Variants in CNTFR observed in about 807,000 individuals in gnomAD.
CNTFR encodes ciliary neurotrophic factor receptor.
CNTFR carries 12 observed loss-of-function variants against 40.4 expected under a neutral mutation model. The observed-to-expected ratio is 0.30, with a 90% CI of 0.19 to 0.48. CNTFR has a LOEUF of 0.48. Ranked by LOEUF, CNTFR falls within the 20% of genes least tolerant of loss-of-function variation. The probability of loss-of-function intolerance (pLI) is 0.99; values close to 1 mark genes in which losing one functional copy is unlikely to be tolerated. For synonymous variants in CNTFR, 202 were observed against 209.6 expected, an observed-to-expected ratio of 0.96 and a Z score of 0.31; for missense variants, 414 against 506.8, an observed-to-expected ratio of 0.82 and a Z score of 1.76.
intron 7 of CNTFR, among the ~76,000 whole-genome samples, chr9:34,555,129 G>A (rs928549281): frequency 1.3e-5 from 2 of 152,262 alleles, no homozygotes; most frequent in Non-Finnish European, 2.9e-5. Context: ...GCTGCTGCCT[G>A]TAGCTCGTTA....
At chr9:34,576,451 C>T (rs1014629688) in intron 2 of CNTFR, among the ~76,000 whole-genome samples, 7 of 152,216 alleles carry the variant, frequency 4.6e-5, no homozygotes, top group African/African-American at 1.7e-4. Context: ...ATGGGAAACA[C>T]CCACATACAC....
At chr9:34,588,565 T>A (rs1827635056) in intron 1 of CNTFR, among the ~76,000 whole-genome samples, 1 of 152,184 alleles carries the variant, frequency 6.6e-6, no homozygotes, top group Non-Finnish European at 1.5e-5. Flanking sequence ...ACACCCAATG[T>A]TGCAGACAAG....
intron 2 of CNTFR, among the ~76,000 whole-genome samples, chr9:34,575,080 A>T (rs549644147): frequency 2.0e-5 from 3 of 152,202 alleles, no homozygotes; most frequent in Non-Finnish European, 1.5e-5. Flanking sequence ...TTCACCCTCA[A>T]AAGTCATCTG....
intron 7 of CNTFR, among the ~76,000 whole-genome samples, chr9:34,555,878 G>C (rs1825810554): frequency 6.7e-6 from 1 of 149,272 alleles, no homozygotes; most frequent in Non-Finnish European, 1.5e-5. Context: ...AGCCTTGCCT[G>C]TCCTGCCCGC....
At chr9:34,570,439 C>T (rs148618395) in intron 2 of CNTFR, among the ~76,000 whole-genome samples, 2 of 152,182 alleles carry the variant, frequency 1.3e-5, no homozygotes, top group Admixed American at 6.5e-5. Context: ...GTGAAGCCGT[C>T]GGCGACAAAG....
In CNTFR at chr9:34,557,102, G is replaced by C. The variant is rs556692320; in HGVS notation, c.604+424C>G. ...CAGGTAGAGGGTCTGGCTGGGATGG[G>C]GGGGGTCAGGGGGAGGGCAGTATCT... On this transcript the variant is annotated intron_variant, in intron 6 of 9. Coordinates refer to ENST00000378980, the MANE Select transcript of CNTFR (RefSeq NM_147164.3). This position sits in a 1 kb window ranked among gnomAD's most constrained non-coding sequence, Gnocchi z 4.2. 6.6e-6 allele frequency among the ~76,000 whole-genome samples: 1 copy of C among 151,658 alleles called. No homozygotes were observed. Among genetic ancestry groups the C allele is most frequent in the African/African-American group, 2.4e-5 (1 of 41,244 alleles).
intron 1 of CNTFR, among the ~76,000 whole-genome samples, chr9:34,586,302 G>T (rs977175714): frequency 2.6e-5 from 4 of 152,184 alleles, no homozygotes; most frequent in Non-Finnish European, 4.4e-5. Flanking sequence ...CAGAGACACT[G>T]TGAGACACGC....
At position 34,557,770 on chromosome 9, in the gene CNTFR, C is replaced by A; in HGVS notation, c.438-78G>T. 1 of 1,587,534 alleles carries A rather than the reference C, an allele frequency of 6.3e-7. No individual in the cohort carries two copies. Among genetic ancestry groups the A allele is most frequent in the Non-Finnish European group, 8.6e-7 (1 of 1,159,026 alleles). On this transcript the variant is annotated intron_variant, in intron 5 of 9. Coordinates refer to ENST00000378980, the MANE Select transcript of CNTFR (RefSeq NM_147164.3). This position sits in a 1 kb window ranked among gnomAD's most constrained non-coding sequence, Gnocchi z 4.2. ...GCAGAGGTTGAGGAAAGGTCAAGCCCAAGGCAGGGCTGGGGTATGGACAGA... is the reference window on the plus strand; with the variant it reads ...GCAGAGGTTGAGGAAAGGTCAAGCCAAAGGCAGGGCTGGGGTATGGACAGA...
chr9:34,557,949 T>C lies in CNTFR; in HGVS notation c.355A>G (p.Asn119Asp). Residue 119 changes from asparagine (N) to aspartate (D), a missense_variant, in exon 5 of 10, where the codon AAC (asparagine) becomes GAC (aspartate). Around this residue, in one of 3 missense-constraint regions of CNTFR, gnomAD observed 250 missense variants for 269.5 expected, o/e 0.93. Transcript: ENST00000378980. This position sits in a 1 kb window ranked among gnomAD's most constrained non-coding sequence, Gnocchi z 4.2. ...PREPVLSCRS[N>D]TYPKGFYCSW... ...CAGTAGAAGCCCTTGGGGTAAGTGT[T>C]GGAGCGGCAGCTGAGCACAGGCTCC... 2 of 1,563,820 alleles carry C rather than the reference T, an allele frequency of 1.3e-6. No homozygotes were observed. Among genetic ancestry groups the C allele is most frequent in the Non-Finnish European group, 1.7e-6 (2 of 1,155,056 alleles).
chr9:34,558,368 G>C (rs1328692625), intron 4 of CNTFR, among the ~76,000 whole-genome samples: 1 of 152,172 alleles, frequency 6.6e-6, no homozygotes, highest in African/African-American at 2.4e-5. Flanking sequence ...CTGCAGAGAC[G>C]AGGGGAGTCT....
chr9:34,585,554 G>C (rs1020150637), intron 1 of CNTFR, among the ~76,000 whole-genome samples: 1 of 152,208 alleles, frequency 6.6e-6, no homozygotes, highest in Non-Finnish European at 1.5e-5. Flanking sequence ...TTGGCCCCCA[G>C]AGTGCCTAGC....
At chr9:34,566,050 G>T (rs1045511341) in intron 3 of CNTFR, among the ~76,000 whole-genome samples, 1 of 152,006 alleles carries the variant, frequency 6.6e-6, no homozygotes, top group Non-Finnish European at 1.5e-5. Context: ...TCCTGTTAAC[G>T]AGCCAATTAA....
At chr9:34,577,352 T>C (rs1419680215) in intron 2 of CNTFR, among the ~76,000 whole-genome samples, 1 of 152,004 alleles carries the variant, frequency 6.6e-6, no homozygotes, top group East Asian at 1.9e-4. Context: ...GCAGGGGTAA[T>C]GCCATAAAGC....
At chr9:34,554,789 C>A (rs570944687) in intron 7 of CNTFR, among the ~76,000 whole-genome samples, 3 of 152,342 alleles carry the variant, frequency 2.0e-5, no homozygotes, top group Admixed American at 2.0e-4. Flanking sequence ...CCTGCCTCTC[C>A]CCAAGGTCAA....
chr9:34,583,833 A>G (rs188582113), intron 1 of CNTFR, among the ~76,000 whole-genome samples: 273 of 152,066 alleles, frequency 1.8e-3, no homozygotes, highest in African/African-American at 6.1e-3. Flanking sequence ...CCATCCCGCA[A>G]TTTCACGGAG....
rs10601840 is a variant in CNTFR, at chr9:34,582,276, C to CAAAAAAA, written c.-111-1078_-111-1072dup. ...TGGGTGACCAAGTGAAACCCTATGG[C>CAAAAAAA]AAAAAAAAAAAAAAAAAAAAACACA... is the stretch of plus-strand genomic sequence containing the variant. On this transcript the variant is annotated intron_variant, in intron 1 of 9. Transcript: ENST00000378980. 595 of 126,446 alleles carry CAAAAAAA rather than the reference C, an allele frequency of 4.7e-3. 26 individuals are homozygous for CAAAAAAA. The highest frequency in any genetic ancestry group is 0.017 in the African/African-American group (556 of 32,112). 7.8% of individuals were successfully genotyped at this position (126,446 alleles called of 1,614,324 possible). A position where few individuals can be genotyped will look rare whatever the true frequency, so the allele number is the denominator to read the frequency against.
At position 34,589,042 on chromosome 9, in the gene CNTFR, G is replaced by A. The variant is rs1404860883; in HGVS notation, c.-112+513C>T. On this transcript the variant is annotated intron_variant, in intron 1 of 9. Transcript: ENST00000378980. This position sits in a 1 kb window ranked among gnomAD's most constrained non-coding sequence, Gnocchi z 4.4. ...CTGAAGAGAAAACCATGGGGACGCC[G>A]ACCGACACACACATGCACACACACA... 2.0e-5 allele frequency among the ~76,000 whole-genome samples: 3 copies of A among 151,998 alleles called. No individual in the cohort carries two copies. Among genetic ancestry groups the A allele is most frequent in the Non-Finnish European group, 4.4e-5 (3 of 68,012 alleles).
intron 3 of CNTFR, among the ~76,000 whole-genome samples, chr9:34,565,340 A>G (rs1020500516): frequency 6.7e-6 from 1 of 149,968 alleles, no homozygotes; most frequent in Non-Finnish European, 1.5e-5. Context: ...TCCCCACCCC[A>G]TCCTTGTCTC....
chr9:34,552,800 C>T lies in CNTFR; in HGVS notation c.823G>A (p.Glu275Lys). Reference sequence around the variant, plus strand: ...TTGGCTGCCACCTGGATAATGTACTCCTTCCCGGCGTAGGCATCTGTGATG... The same window carrying T: ...TTGGCTGCCACCTGGATAATGTACTTCTTCCCGGCGTAGGCATCTGTGATG... ...HTITDAYAGK[E>K]YIIQVAAKDN... The change falls in exon 8 of 10, where the codon GAG (glutamate) becomes AAG (lysine). Residue 275 changes from glutamate (E) to lysine (K), a missense_variant. This residue lies in a region of CNTFR where 83 missense variants were observed against 145.0 expected (regional missense o/e 0.57). Transcript: ENST00000378980. This position sits in a 1 kb window ranked among gnomAD's most constrained non-coding sequence, Gnocchi z 5.1. 6.2e-7 allele frequency: 1 copy of T among 1,613,740 alleles called. No individual in the cohort carries two copies. The highest frequency in any genetic ancestry group is 8.5e-7 in the Non-Finnish European group (1 of 1,179,934).
Sources: gnomAD v4.1 joint callset for allele counts (sites outside exome capture counted in the v4.1 genomes callset) on GRCh38, gnomAD v4.1.1 for gene constraint, gnomAD v4.1.1 regional missense constraint, Gnocchi (gnomAD v3.1) non-coding constraint, MANE v1.5 for transcripts, NCBI Gene and HGNC (gene_info 2026-07-23, HGNC 2026-07-21) for gene names.